Variants in OPCML observed in about 807,000 individuals in gnomAD.
OPCML encodes the protein opioid-binding protein/cell adhesion molecule.
Under a neutral mutation model 37.8 loss-of-function variants are expected in OPCML, and 13 were observed. The ratio of observed to expected loss-of-function variants is 0.34; its 90% CI spans 0.22 to 0.55. OPCML has a LOEUF of 0.55. Ranked by LOEUF, OPCML falls within the 20% of genes least tolerant of loss-of-function variation. The pLI, the probability that OPCML is intolerant of heterozygous loss-of-function variation, is 0.91. For missense variants in OPCML, 341 were observed against 435.6 expected (o/e 0.78, Z 1.93); for synonymous variants, 176 against 168.8 (o/e 1.04, Z -0.33).
At chr11:132,753,115 C>T (rs1945896795) in intron 2 of OPCML, among the ~76,000 whole-genome samples, 1 of 152,022 alleles carries the variant, frequency 6.6e-6, no homozygotes, top group African/African-American at 2.4e-5. Flanking sequence ...CACTCTGGCC[C>T]CACAAGCCCT....
At chr11:133,461,723 G>C (rs891103324) in intron 1 of OPCML, among the ~76,000 whole-genome samples, 5 of 151,878 alleles carry the variant, frequency 3.3e-5, no homozygotes, top group Non-Finnish European at 7.4e-5. Context: ...GCAGTCTAAA[G>C]ATTCAGTACA....
intron 1 of OPCML, among the ~76,000 whole-genome samples, chr11:133,311,580 C>T (rs567102444): frequency 6.5e-4 from 99 of 151,728 alleles, no homozygotes; most frequent in African/African-American, 1.9e-3. Flanking sequence ...GAAGACAGGA[C>T]GTAGTGTTCT....
intron 1 of OPCML, among the ~76,000 whole-genome samples, chr11:133,150,276 AACCCTTTGCATGGATGGTCTC>A (rs1299685426): frequency 6.6e-6 from 1 of 152,178 alleles, no homozygotes; most frequent in Admixed American, 6.5e-5. Flanking sequence ...GACTGCGCTA[AACCCTTTGCATGGATGGTCTC>A]ACCCTTTCCT....
intron 2 of OPCML, among the ~76,000 whole-genome samples, chr11:132,737,572 C>G (rs796475575): frequency 1.3e-5 from 2 of 152,062 alleles, no homozygotes; most frequent in South Asian, 4.1e-4. Flanking sequence ...TTTAAAATAG[C>G]TCTTTGAATG....
intron 1 of OPCML, among the ~76,000 whole-genome samples, chr11:133,137,367 C>T (rs780749157): frequency 6.6e-6 from 1 of 152,106 alleles, no homozygotes; most frequent in African/African-American, 2.4e-5. Flanking sequence ...TACTTTTCTG[C>T]GGTTTTACTT....
intron 1 of OPCML, among the ~76,000 whole-genome samples, chr11:133,347,277 G>T (rs926998947): frequency 6.6e-6 from 1 of 152,120 alleles, no homozygotes; most frequent in African/African-American, 2.4e-5. Context: ...CTCTCCCTGG[G>T]AGCAGCCAGC....
chr11:133,287,167 G>A (rs1942321498), intron 1 of OPCML, among the ~76,000 whole-genome samples: 1 of 151,532 alleles, frequency 6.6e-6, no homozygotes, highest in Non-Finnish European at 1.5e-5. Flanking sequence ...AAGTGTTCTA[G>A]AGGTCACATT....
chr11:133,055,488 G>C (rs2136975713), intron 1 of OPCML, among the ~76,000 whole-genome samples: 1 of 150,128 alleles, frequency 6.7e-6, no homozygotes, highest in East Asian at 2.0e-4. Flanking sequence ...GTACAATGCT[G>C]CCTCCATGAT....
At chr11:132,494,860 A>G (rs2096226368) in intron 4 of OPCML, among the ~76,000 whole-genome samples, 1 of 152,042 alleles carries the variant, frequency 6.6e-6, no homozygotes, top group Admixed American at 6.6e-5. Flanking sequence ...ACTCTTCAAG[A>G]CTCTTTGATG....
Position 133,206,436 on chromosome 11 carries a change from T to A in OPCML, c.62-263426A>T, listed in dbSNP as rs574322191. 7.9e-5 allele frequency among the ~76,000 whole-genome samples: 12 copies of A among 152,212 alleles called. No individual in the cohort carries two copies. Among genetic ancestry groups the A allele is most frequent in the African/African-American group, 2.7e-4 (11 of 41,456 alleles). ...TGAGCTATGAAATATAAAAACTATA[T>A]GATCAAAGGCCCTTTCAGCTCTTGA... On this transcript the variant is annotated intron_variant, in intron 1 of 7. Coordinates refer to ENST00000524381, the MANE Select transcript of OPCML (RefSeq NM_001012393.5). The surrounding 1 kb of genome is among the most constrained non-coding windows in gnomAD (Gnocchi z 4.7).
intron 1 of OPCML, among the ~76,000 whole-genome samples, chr11:133,419,653 C>T (rs988384521): frequency 6.6e-6 from 1 of 152,048 alleles, no homozygotes; most frequent in Non-Finnish European, 1.5e-5. Flanking sequence ...TTGACCATGG[C>T]GAGCATATTT....
intron 1 of OPCML, among the ~76,000 whole-genome samples, chr11:132,987,133 C>G (rs1224873164): frequency 6.6e-6 from 1 of 152,178 alleles, no homozygotes. Context: ...GTGCCCCAAT[C>G]CCTGTCCTCT....
chr11:133,086,532 TAAATG>T (rs919208428), intron 1 of OPCML, among the ~76,000 whole-genome samples: 1 of 152,228 alleles, frequency 6.6e-6, no homozygotes, highest in Non-Finnish European at 1.5e-5. Context: ...TCTGCTTAAA[TAAATG>T]AAATAGTTGG....
intron 3 of OPCML, among the ~76,000 whole-genome samples, chr11:132,555,023 G>A (rs1001477767): frequency 1.3e-5 from 2 of 151,952 alleles, no homozygotes; most frequent in Admixed American, 6.6e-5. Flanking sequence ...AGTCCATAAT[G>A]TCAAGAGATC....
intron 1 of OPCML, among the ~76,000 whole-genome samples, chr11:133,328,641 G>T (rs567754301): frequency 2.0e-5 from 3 of 152,066 alleles, no homozygotes; most frequent in Admixed American, 2.0e-4. Context: ...CCCTATCCTC[G>T]ACTAGCTCAC....
intron 2 of OPCML, among the ~76,000 whole-genome samples, chr11:132,832,102 C>T (rs1327647604): frequency 6.6e-6 from 1 of 152,008 alleles, no homozygotes; most frequent in Non-Finnish European, 1.5e-5. Context: ...TGAACCACAG[C>T]CTTCTACCTG....
chr11:133,409,745 T>A (rs928922116), intron 1 of OPCML, among the ~76,000 whole-genome samples: 1 of 152,080 alleles, frequency 6.6e-6, no homozygotes, highest in East Asian at 1.9e-4. Context: ...CAAACAGTAA[T>A]CAAGTGATAA....
chr11:132,441,350 A>G (rs1055990313), intron 4 of OPCML, among the ~76,000 whole-genome samples: 4 of 150,624 alleles, frequency 2.7e-5, no homozygotes, highest in Non-Finnish European at 4.4e-5. Context: ...TTGTATTTTT[A>G]GTAGAGACGG....
At chr11:132,606,401 T>G (rs1190243096) in intron 3 of OPCML, among the ~76,000 whole-genome samples, 1 of 152,204 alleles carries the variant, frequency 6.6e-6, no homozygotes, top group Non-Finnish European at 1.5e-5. Flanking sequence ...ACCTCTGCCC[T>G]GCTCGTCTTA....
Sources: allele counts gnomAD v4.1 joint callset (sites outside exome capture counted in the v4.1 genomes callset), GRCh38; gene constraint gnomAD v4.1.1; non-coding constraint Gnocchi (gnomAD v3.1); transcripts MANE v1.5; gene names NCBI Gene and HGNC (gene_info 2026-07-23, HGNC 2026-07-21).